Variants in ARHGAP17 observed in about 807,000 individuals in gnomAD.
ARHGAP17 encodes the protein Rho GTPase activating protein 17, also known as rho GTPase-activating protein 17.
ARHGAP17 carries 57 observed loss-of-function variants against 99.5 expected under a neutral mutation model. That is an observed-to-expected ratio of 0.57 (90% CI 0.46 to 0.71). The LOEUF is 0.71. ARHGAP17 is among the 30% of genes least tolerant of loss of function. The pLI, the probability that ARHGAP17 is intolerant of heterozygous loss-of-function variation, is 0.00. For synonymous variants in ARHGAP17, 417 were observed against 429.6 expected (o/e 0.97, Z 0.36); for missense variants, 1,000 against 1,122.4 (o/e 0.89, Z 1.56).
chr16:24,926,074 C>T (rs867162663), intron 19 of ARHGAP17, among the ~76,000 whole-genome samples: 20 of 143,446 alleles, frequency 1.4e-4, no homozygotes, highest in Admixed American at 1.1e-3. Context: ...CGTGCCACTG[C>T]ACTCCAGCCT....
chr16:25,011,731 G>A (rs557886518), intron 1 of ARHGAP17, among the ~76,000 whole-genome samples: 36 of 151,088 alleles, frequency 2.4e-4, no homozygotes, highest in Admixed American at 8.6e-4. Context: ...ACCCCCAGAA[G>A]AAGCCAAATC....
chr16:24,968,501 G>GT (rs1567237942), intron 5 of ARHGAP17, 74 bp from the exon 6 acceptor site: 10 of 1,577,616 alleles, frequency 6.3e-6, no homozygotes, highest in African/African-American at 4.1e-5. Flanking sequence ...ATTTACAAAC[G>GT]TTTTTTCTCT....
At chr16:24,938,897 T>A (rs986521948) in intron 17 of ARHGAP17, among the ~76,000 whole-genome samples, 1 of 152,202 alleles carries the variant, frequency 6.6e-6, no homozygotes, top group Non-Finnish European at 1.5e-5. Flanking sequence ...TCACCTCATG[T>A]GCCTAGCACA....
chr16:24,931,171 C>G lies in ARHGAP17; in HGVS notation c.2128G>C (p.Ala710Pro), dbSNP rs201923530. 1 of 1,592,118 alleles carries G rather than the reference C, an allele frequency of 6.3e-7. No homozygotes were observed. ...GGCTGCGGCGGTGGGTGATTGGGAGCTTGGATTGGAGACAAGCTGCTGGAG... is the reference window on the plus strand; with the variant it reads ...GGCTGCGGCGGTGGGTGATTGGGAGGTTGGATTGGAGACAAGCTGCTGGAG... ...RYSSSLSPIQ[A>P]PNHPPPQPPT... Residue 710 changes from alanine to proline, a missense_variant, in exon 19 of 20, where the codon GCT (alanine) becomes CCT (proline). This residue lies in a region of ARHGAP17 where 528 missense variants were observed against 511.4 expected (regional missense o/e 1.03). Coordinates refer to ENST00000289968, the MANE Select transcript of ARHGAP17 (RefSeq NM_001006634.3).
intron 7 of ARHGAP17, 25 bp from the exon 8 acceptor site, chr16:24,960,004 TA>T: frequency 6.2e-7 from 1 of 1,609,822 alleles, no homozygotes; most frequent in Non-Finnish European, 8.5e-7. Flanking sequence ...GATAAGAGGT[TA>T]TTGAAGAAAA....
Position 24,958,129 on chromosome 16 carries a change from G to A in ARHGAP17, c.724+1542C>T, listed in dbSNP as rs571744310. ...CTAACCTCTTTCCTGTCCCATCCCCGCTCTCCATGGCTTCCTGATGTATTT... is the reference window on the plus strand; with the variant it reads ...CTAACCTCTTTCCTGTCCCATCCCCACTCTCCATGGCTTCCTGATGTATTT... On this transcript the variant is annotated intron_variant, in intron 9 of 19. Transcript: ENST00000289968. 1.8e-4 allele frequency among the ~76,000 whole-genome samples: 27 copies of A among 152,136 alleles called. No individual in the cohort carries two copies. The South Asian group carries it at 5.6e-3, about 32-fold the overall frequency.
intron 6 of ARHGAP17, among the ~76,000 whole-genome samples, chr16:24,966,928 G>A (rs2052206105): frequency 6.6e-6 from 1 of 152,188 alleles, no homozygotes; most frequent in Non-Finnish European, 1.5e-5. Context: ...AGTAGGGAAT[G>A]TTACACTAAC....
intron 7 of ARHGAP17, among the ~76,000 whole-genome samples, chr16:24,963,247 CT>C (rs1440600537): frequency 6.6e-6 from 1 of 152,148 alleles, no homozygotes; most frequent in East Asian, 1.9e-4. Context: ...AACATAAAAA[CT>C]TTTTAAAACA....
rs1177614713 is a variant in ARHGAP17 at position 24,950,836 on chromosome 16, C to CAAAAAAAAAAAAAA, written c.1047-1366_1047-1353dup. On this transcript the variant is annotated intron_variant, in intron 12 of 19. Coordinates refer to ENST00000289968, the MANE Select transcript of ARHGAP17 (RefSeq NM_001006634.3). ...TGGGCGACAGAGTGGGACTCCAACT[C>CAAAAAAAAAAAAAA]AAAAAAAAAAAAAAAAAAAAAAGAA... 1.5e-3 allele frequency among the ~76,000 whole-genome samples: 58 copies of CAAAAAAAAAAAAAA among 39,404 alleles called. 5 individuals are homozygous for CAAAAAAAAAAAAAA. Among genetic ancestry groups the CAAAAAAAAAAAAAA allele is most frequent in the Middle Eastern group, 0.012 (1 of 84 alleles). The allele number at this position is 39,404 out of a possible 152,430, so 25.9% of individuals were successfully genotyped here. A position where few individuals can be genotyped will look rare whatever the true frequency, so the allele number is the denominator to read the frequency against.
chr16:25,013,446 A>T (rs770326067), intron 1 of ARHGAP17, among the ~76,000 whole-genome samples: 1 of 152,152 alleles, frequency 6.6e-6, no homozygotes, highest in Non-Finnish European at 1.5e-5. Context: ...AACATGGCAA[A>T]TCCCCACTCT....
intron 18 of ARHGAP17, among the ~76,000 whole-genome samples, chr16:24,933,868 A>G (rs993694729): frequency 6.6e-6 from 1 of 152,116 alleles, no homozygotes; most frequent in African/African-American, 2.4e-5. Flanking sequence ...TGATTTCGGG[A>G]AGCATGAAAG....
At position 24,954,725 on chromosome 16, in the gene ARHGAP17, A is replaced by G; in HGVS notation, c.730T>C (p.Trp244Arg). The change falls in exon 10 of 20, where the codon TGG becomes CGG. Residue 244 changes from tryptophan to arginine, a missense_variant. Physicochemically the swap from Trp to Arg is moderately radical, Grantham distance 101 (BLOSUM62 -3). Around this residue, in one of 2 missense-constraint regions of ARHGAP17, gnomAD observed 472 missense variants for 611.1 expected, o/e 0.77. Coordinates refer to ENST00000289968, the MANE Select transcript of ARHGAP17 (RefSeq NM_001006634.3). Reference protein sequence around the residue: ...LPEMRAHQDKWAEKPAFGTPL... With the variant: ...LPEMRAHQDKRAEKPAFGTPL... ...GTCCCAAAGGCTGGTTTTTCCGCCC[A>G]CTTATCTAGAGCAGCAAATTGTTCA... is the stretch of plus-strand genomic sequence containing the variant. 1 of 1,613,854 alleles carries G rather than the reference A, an allele frequency of 6.2e-7. No homozygotes were observed. The highest frequency in any genetic ancestry group is 8.5e-7 in the Non-Finnish European group (1 of 1,179,844).
intron 18 of ARHGAP17, among the ~76,000 whole-genome samples, chr16:24,934,467 T>G (rs925937846): frequency 1.3e-5 from 2 of 151,854 alleles, no homozygotes; most frequent in African/African-American, 4.8e-5. Context: ...CTCTTTTTTA[T>G]TTTAGAGATG....
chr16:24,952,794 A>T, intron 11 of ARHGAP17, 137 bp downstream of exon 11: 1 of 708,634 alleles, frequency 1.4e-6, no homozygotes, highest in Non-Finnish European at 2.5e-6. Context: ...TACACTAAGG[A>T]ATTGTAGCAA....
At chr16:24,986,840 T>C (rs1185085396) in intron 1 of ARHGAP17, among the ~76,000 whole-genome samples, 1 of 152,192 alleles carries the variant, frequency 6.6e-6, no homozygotes, top group Admixed American at 6.5e-5. Flanking sequence ...TTCTGCCTCA[T>C]AGGCAAGCAG....
At chr16:24,967,879 C>CCTTCG (rs1470129806) in intron 6 of ARHGAP17, among the ~76,000 whole-genome samples, 1 of 152,148 alleles carries the variant, frequency 6.6e-6, no homozygotes, top group African/African-American at 2.4e-5. Flanking sequence ...CTGACAGACT[C>CCTTCG]CTTCGCTGGC....
intron 7 of ARHGAP17, among the ~76,000 whole-genome samples, chr16:24,963,346 T>C (rs1013368492): frequency 2.6e-5 from 4 of 152,236 alleles, no homozygotes; most frequent in Non-Finnish European, 1.5e-5. Context: ...TATATTATTT[T>C]AAACAAGTCA....
At chr16:24,975,880 C>A (rs78756379) in intron 3 of ARHGAP17, among the ~76,000 whole-genome samples, 4,914 of 152,274 alleles carry the variant, frequency 0.032, 279 homozygotes, top group African/African-American at 0.11. Context: ...TACCTAGGAA[C>A]TGAACGCTCT....
chr16:25,014,302 G>A (rs763079016), intron 1 of ARHGAP17, among the ~76,000 whole-genome samples: 7 of 152,190 alleles, frequency 4.6e-5, no homozygotes, highest in Non-Finnish European at 1.0e-4. Flanking sequence ...AGTACAGCCA[G>A]CTGCCCTGAA....
Sources: allele counts gnomAD v4.1 joint callset (sites outside exome capture counted in the v4.1 genomes callset), GRCh38; gene constraint gnomAD v4.1.1; regional missense constraint gnomAD v4.1.1; transcripts MANE v1.5; gene names NCBI Gene and HGNC (gene_info 2026-07-23, HGNC 2026-07-21).